The following ADGRL2 variants were observed in gnomAD, a reference collection of about 807,000 sequenced individuals.
ADGRL2 encodes the protein adhesion G protein-coupled receptor L2.
ADGRL2 carries 44 observed loss-of-function variants against 157.4 expected under a neutral mutation model. That is an observed-to-expected ratio of 0.28 (90% CI 0.22 to 0.36). The LOEUF (loss-of-function observed/expected upper bound fraction) is 0.36, where lower values mean the gene tolerates loss of function less well. ADGRL2 is among the 10% of genes least tolerant of loss of function. The pLI is 1.00. For missense variants in ADGRL2, 1,510 were observed against 1,768.9 expected, an observed-to-expected ratio of 0.85 and a Z score of 2.63; for synonymous variants, 585 against 624.7, an observed-to-expected ratio of 0.94 and a Z score of 0.95.
chr1:81,464,430 G>GC (rs2078007681), intron 2 of ADGRL2, among the ~76,000 whole-genome samples: 1 of 147,714 alleles, frequency 6.8e-6, no homozygotes, highest in East Asian at 2.7e-4. Context: ...CACACAGCAG[G>GC]GGAAAAACTG....
At chr1:81,584,129 T>A (rs1478610781) in intron 3 of ADGRL2, among the ~76,000 whole-genome samples, 2 of 152,160 alleles carry the variant, frequency 1.3e-5, no homozygotes, top group African/African-American at 2.4e-5. Flanking sequence ...TTTGCTTTTA[T>A]ATGTGCAGCA....
At chr1:81,885,651 C>A (rs1195749670) in intron 2 of ADGRL2, among the ~76,000 whole-genome samples, 1 of 152,144 alleles carries the variant, frequency 6.6e-6, no homozygotes, top group East Asian at 1.9e-4. Flanking sequence ...AACCAGAATG[C>A]ATGATAAGGC....
At chr1:81,714,846 G>GT (rs1287826846) in intron 1 of ADGRL2, among the ~76,000 whole-genome samples, 4 of 147,788 alleles carry the variant, frequency 2.7e-5, no homozygotes, top group South Asian at 2.2e-4. Flanking sequence ...GTTTGGGCAT[G>GT]TTTTGTTTTT....
At chr1:81,738,799 C>T (rs2084982355) in intron 1 of ADGRL2, among the ~76,000 whole-genome samples, 1 of 152,234 alleles carries the variant, frequency 6.6e-6, no homozygotes, top group Non-Finnish European at 1.5e-5. Context: ...TTGGCCTCAC[C>T]TCAGCCTCTG....
intron 1 of ADGRL2, among the ~76,000 whole-genome samples, chr1:81,362,244 C>T (rs977526681): frequency 6.6e-6 from 1 of 151,588 alleles, no homozygotes; most frequent in Admixed American, 6.6e-5. Flanking sequence ...ACTTTTTTTT[C>T]CCATTATATC....
At chr1:81,875,190 A>G (rs2093806530) in intron 2 of ADGRL2, among the ~76,000 whole-genome samples, 1 of 152,134 alleles carries the variant, frequency 6.6e-6, no homozygotes, top group African/African-American at 2.4e-5. Flanking sequence ...GTCGTTTATA[A>G]GTAGCTGTTT....
intron 2 of ADGRL2, among the ~76,000 whole-genome samples, chr1:81,472,707 A>G (rs1246784088): frequency 6.6e-6 from 1 of 152,222 alleles, no homozygotes; most frequent in East Asian, 1.9e-4. Context: ...ATCTCTTGTT[A>G]CATGCTCTAG....
intron 1 of ADGRL2, among the ~76,000 whole-genome samples, chr1:81,724,705 C>T (rs943221852): frequency 6.6e-6 from 1 of 152,132 alleles, no homozygotes; most frequent in Admixed American, 6.5e-5. Flanking sequence ...GGGATAAGAC[C>T]TTGCATACTT....
chr1:81,540,314 A>T (rs1451754904), intron 2 of ADGRL2, among the ~76,000 whole-genome samples: 3 of 152,344 alleles, frequency 2.0e-5, no homozygotes, highest in Middle Eastern at 3.4e-3. Context: ...AAAAAAATTT[A>T]CTTTAGATTT....
intron 1 of ADGRL2, among the ~76,000 whole-genome samples, chr1:81,436,331 C>T (rs1028689191): frequency 6.6e-6 from 1 of 152,176 alleles, no homozygotes; most frequent in African/African-American, 2.4e-5. Flanking sequence ...ATATAGGACT[C>T]ACTGACGGGT....
intron 3 of ADGRL2, among the ~76,000 whole-genome samples, chr1:81,605,386 G>A (rs2081412722): frequency 6.6e-6 from 1 of 152,122 alleles, no homozygotes; most frequent in Non-Finnish European, 1.5e-5. Flanking sequence ...GACAGTTATG[G>A]CCCACAATTA....
At position 81,867,752 on chromosome 1, in the gene ADGRL2, T is replaced by A. The variant is rs537650361; in HGVS notation, c.73+30695T>A. Reference sequence around the variant, plus strand: ...CAAGAATAAGTAATATTCAAAAAAATTTTAATTCATAAGATATTCTGTAGT... The same window carrying A: ...CAAGAATAAGTAATATTCAAAAAAAATTTAATTCATAAGATATTCTGTAGT... On this transcript the variant is annotated intron_variant, in intron 2 of 23. Coordinates refer to ENST00000686636, the MANE Select transcript of ADGRL2 (RefSeq NM_001366006.2). Among the ~76,000 whole-genome samples the A allele has an allele frequency of 2.0e-3, 297 of 152,266 alleles. 5 individuals are homozygous for A. Among genetic ancestry groups the A allele is most frequent in the African/African-American group, 6.7e-3 (280 of 41,578 alleles).
intron 3 of ADGRL2, among the ~76,000 whole-genome samples, chr1:81,612,701 CA>C (rs1287154852): frequency 6.6e-6 from 1 of 151,266 alleles, no homozygotes; most frequent in Non-Finnish European, 1.5e-5. Context: ...AAGAGAAGGA[CA>C]AAAAAACAAT....
chr1:81,682,815 G>C (rs1383838948), intron 3 of ADGRL2, among the ~76,000 whole-genome samples: 1 of 152,190 alleles, frequency 6.6e-6, no homozygotes, highest in Non-Finnish European at 1.5e-5. Context: ...GTCCATGAAA[G>C]TGCTTTAGAA....
chr1:81,933,248 T>G (rs988941740), intron 3 of ADGRL2, among the ~76,000 whole-genome samples: 1 of 152,216 alleles, frequency 6.6e-6, no homozygotes, highest in Non-Finnish European at 1.5e-5. Flanking sequence ...AAAACCCTAT[T>G]TTTTCTCTTT....
chr1:81,920,580 CTT>C (rs1217342828), intron 3 of ADGRL2, among the ~76,000 whole-genome samples: 1 of 152,156 alleles, frequency 6.6e-6, no homozygotes, highest in Non-Finnish European at 1.5e-5. Context: ...GCTTCTTCAT[CTT>C]TGCTTCATTT....
chr1:81,493,223 C>A (rs951484304), intron 2 of ADGRL2, among the ~76,000 whole-genome samples: 2 of 152,290 alleles, frequency 1.3e-5, no homozygotes, highest in Non-Finnish European at 2.9e-5. Context: ...CACAGTAAAA[C>A]TAAATGCAAT....
chr1:81,925,509 C>G (rs1459342719), intron 3 of ADGRL2, among the ~76,000 whole-genome samples: 1 of 150,190 alleles, frequency 6.7e-6, no homozygotes, highest in Non-Finnish European at 1.5e-5. Context: ...TGGGAAAGAT[C>G]CATAATTCGT....
intron 1 of ADGRL2, among the ~76,000 whole-genome samples, chr1:81,436,842 A>G (rs146850897): frequency 1.1e-4 from 17 of 152,344 alleles, no homozygotes; most frequent in African/African-American, 3.8e-4. Context: ...TTAATCAGAT[A>G]CCGTATTGGC....
Sources: gnomAD v4.1 joint callset for allele counts (sites outside exome capture counted in the v4.1 genomes callset) on GRCh38, gnomAD v4.1.1 for gene constraint, MANE v1.5 for transcripts, NCBI Gene and HGNC (gene_info 2026-07-23, HGNC 2026-07-21) for gene names.